FRAS1: variants seen among roughly 807,000 people sequenced by gnomAD.
FRAS1 encodes Fraser extracellular matrix complex subunit 1.
Under a neutral mutation model 435.2 loss-of-function variants are expected in FRAS1, and 290 were observed. That is an observed-to-expected ratio of 0.67 (90% confidence interval 0.61 to 0.73). FRAS1 has a LOEUF of 0.73. Among genes scored for constraint, FRAS1 ranks in the 30% least tolerant of loss-of-function variants. FRAS1 has a pLI of 0.00. For missense variants in FRAS1, 4,860 were observed against 5,001.5 expected, an observed-to-expected ratio of 0.97 and a Z score of 0.85; for synonymous variants, 1,800 against 1,851.0, an observed-to-expected ratio of 0.97 and a Z score of 0.71.
chr4:78,492,553 T>C (rs4441781), intron 59 of FRAS1, among the ~76,000 whole-genome samples: 151,664 of 152,350 alleles, frequency 1, 75,490 homozygotes, highest in Middle Eastern at 1. Flanking sequence ...GGAAAGGATT[T>C]CCTACTTAAT....
At position 78,432,358 on chromosome 4, in the gene FRAS1, T is replaced by C. The variant is rs1198765940; in HGVS notation, c.4971T>C (p.Gly1657=). Residue 1657 remains glycine (G), a splice_region_variant and synonymous_variant, in exon 38 of 74, where the codon GGT becomes GGC. Transcript: ENST00000512123. Reference sequence around the variant, plus strand: ...TGCAATTTGTTTTATTCTTGGAAGGTGACACTTTCACCTATGAGGATGTTG... The same window carrying C: ...TGCAATTTGTTTTATTCTTGGAAGGCGACACTTTCACCTATGAGGATGTTG... ...TAEFRRPMAT[G]DTFTYEDVEK... is the part of the protein sequence containing the mutation. 6.9e-6 allele frequency: 11 copies of C among 1,591,786 alleles called. No individual in the cohort carries two copies. The highest frequency in any genetic ancestry group is 8.6e-6 in the Non-Finnish European group (10 of 1,166,902).
chr4:78,281,393 C>T lies in FRAS1; in HGVS notation c.1072-5C>T, dbSNP rs570183677. 968 of 1,568,258 alleles carry T rather than the reference C, an allele frequency of 6.2e-4. 10 individuals are homozygous for T. In the South Asian group the frequency reaches 0.011, roughly 17 times the overall value. On this transcript the variant is annotated splice_region_variant and splice_polypyrimidine_tract_variant and intron_variant, in intron 10 of 73. Coordinates refer to ENST00000512123, the MANE Select transcript of FRAS1 (RefSeq NM_025074.7). ...CATAATAAAGACATTTCTCTTTGTT[C>T]CTAGATGTCATCAAATGCTAGTGAA...
intron 18 of FRAS1, among the ~76,000 whole-genome samples, chr4:78,326,233 A>G (rs1729712941): frequency 6.6e-6 from 1 of 152,228 alleles, no homozygotes; most frequent in South Asian, 2.1e-4. Context: ...AACCCAAGTC[A>G]TGAATGATGT....
At chr4:78,257,667 G>T (rs1725855426) in intron 6 of FRAS1, among the ~76,000 whole-genome samples, 1 of 152,182 alleles carries the variant, frequency 6.6e-6, no homozygotes, top group Admixed American at 6.5e-5. Context: ...GACCAAGATA[G>T]ATTTGGTGGT....
At chr4:78,371,970 T>C (rs1731532209) in intron 23 of FRAS1, among the ~76,000 whole-genome samples, 1 of 152,224 alleles carries the variant, frequency 6.6e-6, no homozygotes, top group South Asian at 2.1e-4. Flanking sequence ...ATTATTTGCA[T>C]GCACATTCAA....
In FRAS1 at chr4:78,424,380, T is replaced by G. The variant is rs1733917463; in HGVS notation, c.4679-8T>G. On this transcript the variant is annotated splice_region_variant and splice_polypyrimidine_tract_variant and intron_variant, in intron 34 of 73. Coordinates refer to ENST00000512123, the MANE Select transcript of FRAS1 (RefSeq NM_025074.7). ...TTAATATACTGATTGTCTCTCTTACTCTTTTAGGTCTCCCAGAATCAGTGA... is the reference window on the plus strand; with the variant it reads ...TTAATATACTGATTGTCTCTCTTACGCTTTTAGGTCTCCCAGAATCAGTGA... 6.9e-7 allele frequency: 1 copy of G among 1,455,662 alleles called. No individual in the cohort carries two copies. Among genetic ancestry groups the G allele is most frequent in the Non-Finnish European group, 9.2e-7 (1 of 1,084,480 alleles). 90.2% of individuals were successfully genotyped at this position (1,455,662 alleles called of 1,614,324 possible).
Position 78,441,250 on chromosome 4 carries a change from A to G in FRAS1, c.5618A>G (p.Lys1873Arg). Residue 1873 changes from lysine to arginine, a missense_variant, in exon 41 of 74, where the codon AAA becomes AGA. By Grantham distance (26) the Lys-to-Arg change is conservative. Transcript: ENST00000512123. The stretch of plus-strand genomic sequence containing the variant: ...AACCTCCAGAGAGATGCCATCATTA[A>G]ACTAAGTGCTCTGCCCAAATATGGC... ...DDNLQRDAIIKLSALPKYGCI... is the reference protein window; with the variant it reads ...DDNLQRDAIIRLSALPKYGCI... 11 of 1,613,606 alleles carry G rather than the reference A, an allele frequency of 6.8e-6. No individual in the cohort carries two copies. The highest frequency in any genetic ancestry group is 8.5e-6 in the Non-Finnish European group (10 of 1,179,722).
intron 50 of FRAS1, 93 bp downstream of exon 50, chr4:78,466,528 C>A: frequency 1.1e-6 from 1 of 926,092 alleles, no homozygotes; most frequent in Non-Finnish European, 1.6e-6. Flanking sequence ...TGTTTGAGTT[C>A]TCGTTCTATC....
At chr4:78,193,166 AC>A (rs1311160458) in intron 2 of FRAS1, among the ~76,000 whole-genome samples, 1 of 152,176 alleles carries the variant, frequency 6.6e-6, no homozygotes, top group Non-Finnish European at 1.5e-5. Context: ...GTTCTTTTAC[AC>A]TTGCCAAGGA....
chr4:78,389,990 C>T (rs760504978), intron 29 of FRAS1, among the ~76,000 whole-genome samples: 2 of 152,112 alleles, frequency 1.3e-5, no homozygotes, highest in South Asian at 4.1e-4. Flanking sequence ...CTTTTCATCC[C>T]TCTCTCCTGT....
At chr4:78,191,208 A>G (rs1054837596) in intron 2 of FRAS1, among the ~76,000 whole-genome samples, 4 of 152,218 alleles carry the variant, frequency 2.6e-5, no homozygotes, top group Admixed American at 6.5e-5. Flanking sequence ...CTAAGACAAG[A>G]CAAAGGGTGA....
intron 40 of FRAS1, among the ~76,000 whole-genome samples, 185 bp downstream of exon 40, chr4:78,439,249 A>G (rs1364517917): frequency 6.6e-6 from 1 of 152,270 alleles, no homozygotes; most frequent in African/African-American, 2.4e-5. Flanking sequence ...ATAAATATGC[A>G]GAAGATCAAA....
At chr4:78,477,781 A>G (rs758146875) in intron 54 of FRAS1, 34 bp from the exon 55 acceptor site, 22 of 1,594,144 alleles carry the variant, frequency 1.4e-5, no homozygotes, top group Non-Finnish European at 1.7e-5. Flanking sequence ...AAGCTGAGGC[A>G]CAGCTTAACT....
chr4:78,200,009 G>C (rs2110074510), intron 2 of FRAS1, among the ~76,000 whole-genome samples: 1 of 152,310 alleles, frequency 6.6e-6, no homozygotes, highest in East Asian at 1.9e-4. Context: ...GGCAAAAATA[G>C]TTCCCTGCCT....
intron 6 of FRAS1, 121 bp downstream of exon 6, chr4:78,255,496 T>A: frequency 9.4e-7 from 1 of 1,065,436 alleles, no homozygotes; most frequent in African/African-American, 1.6e-5. Flanking sequence ...CCCTTTTTGT[T>A]TTCCTCATAC....
chr4:78,532,018 G>GC (rs1221721348), intron 70 of FRAS1, among the ~76,000 whole-genome samples: 2 of 152,260 alleles, frequency 1.3e-5, no homozygotes, highest in Non-Finnish European at 2.9e-5. Context: ...TATTGAAATA[G>GC]CCTGTTAACA....
intron 2 of FRAS1, among the ~76,000 whole-genome samples, chr4:78,141,650 G>A (rs1720188373): frequency 2.0e-5 from 3 of 152,078 alleles, no homozygotes; most frequent in South Asian, 4.1e-4. Context: ...TCATAATGGG[G>A]CTAGGTATTA....
chr4:78,264,867 A>G (rs1299906598), intron 6 of FRAS1, 158 bp from the exon 7 acceptor site: 1 of 695,138 alleles, frequency 1.4e-6, no homozygotes, highest in African/African-American at 1.8e-5. Context: ...GTTCATTCTT[A>G]TCAGAGTCCC....
chr4:78,334,978 C>T (rs1469883555), intron 19 of FRAS1, among the ~76,000 whole-genome samples: 1 of 151,798 alleles, frequency 6.6e-6, no homozygotes, highest in Non-Finnish European at 1.5e-5. Context: ...TCAGGCTTGT[C>T]CTGAACTCCT....
Sources: gnomAD v4.1 joint callset for allele counts (sites outside exome capture counted in the v4.1 genomes callset) on GRCh38, gnomAD v4.1.1 for gene constraint, MANE v1.5 for transcripts, NCBI Gene and HGNC (gene_info 2026-07-23, HGNC 2026-07-21) for gene names.